Variants in CTPS1 observed in about 807,000 individuals in gnomAD.
CTPS1 encodes CTP synthase 1, also known as CTP synthetase 1.
In CTPS1, 25 loss-of-function variants were observed where a neutral mutation model predicts 80.5. The observed-to-expected ratio is 0.31, with a 90% CI of 0.23 to 0.43. The LOEUF is 0.43. CTPS1 is among the 20% of genes least tolerant of loss of function. The probability of loss-of-function intolerance (pLI) is 1.00; values close to 1 mark genes in which losing one functional copy is unlikely to be tolerated. For synonymous variants in CTPS1, 267 were observed against 252.5 expected (o/e 1.06, Z -0.54); for missense variants, 442 against 725.7 (o/e 0.61, Z 4.49).
chr1:41,005,411 C>T (rs1468144215), intron 12 of CTPS1, among the ~76,000 whole-genome samples: 2 of 151,834 alleles, frequency 1.3e-5, no homozygotes, highest in African/African-American at 4.8e-5. Context: ...CATTGCACTC[C>T]AGCCTGCCCA....
chr1:40,987,806 G>A (rs186164315), intron 4 of CTPS1, among the ~76,000 whole-genome samples: 129 of 152,324 alleles, frequency 8.5e-4, no homozygotes, highest in Non-Finnish European at 1.5e-4. Flanking sequence ...CTCCGAATGA[G>A]CTTCATTTGG....
chr1:41,011,464 C>T lies in CTPS1; in HGVS notation c.*10-194C>T, dbSNP rs185613993. 1.5e-3 allele frequency among the ~76,000 whole-genome samples: 227 copies of T among 152,200 alleles called. 3 individuals are homozygous for T. The highest frequency in any genetic ancestry group is 5.3e-3 in the African/African-American group (222 of 41,524). ...GCTTGCATTGGGTGGTTGTAGAAGT[C>T]GATGTGTGAGGTCTTGAAAAGGTCT... On this transcript the variant is annotated intron_variant, in intron 18 of 18. Coordinates refer to ENST00000650070, the MANE Select transcript of CTPS1 (RefSeq NM_001905.4).
chr1:40,996,165 A>T, intron 8 of CTPS1, 97 bp downstream of exon 8: 1 of 1,344,224 alleles, frequency 7.4e-7, no homozygotes, highest in Non-Finnish European at 1.0e-6. Context: ...GTACTTTTGC[A>T]CTTCTGCCAT....
At chr1:40,995,749 A>G (rs1642736694) in intron 7 of CTPS1, among the ~76,000 whole-genome samples, 168 bp from the exon 8 acceptor site, 1 of 152,196 alleles carries the variant, frequency 6.6e-6, no homozygotes, top group Non-Finnish European at 1.5e-5. Flanking sequence ...TAGATTGGCC[A>G]CTAATTTTCT....
At position 41,002,268 on chromosome 1, in the gene CTPS1, C is replaced by T. The variant is rs748477567; in HGVS notation, c.1189+14C>T. 8.1e-6 allele frequency: 13 copies of T among 1,606,402 alleles called. No individual in the cohort carries two copies. In the Admixed American group the frequency reaches 1.3e-4, roughly 16 times the overall value. ...AGCCTTTTTTGGGTAAGGAGCTCTGCAGTGCAGTCTTCACTTAAGAGTAGG... is the reference window on the plus strand; with the variant it reads ...AGCCTTTTTTGGGTAAGGAGCTCTGTAGTGCAGTCTTCACTTAAGAGTAGG... On this transcript the variant is annotated intron_variant, in intron 11 of 18. Coordinates refer to ENST00000650070, the MANE Select transcript of CTPS1 (RefSeq NM_001905.4).
chr1:41,008,914 T>C, intron 16 of CTPS1, 24 bp downstream of exon 16: 1 of 1,579,448 alleles, frequency 6.3e-7, no homozygotes, highest in South Asian at 1.1e-5. Context: ...CAGTTTTATT[T>C]AATGGAAAAC....
At position 41,008,235 on chromosome 1, in the gene CTPS1, C is replaced by T. The variant is rs192823322; in HGVS notation, c.1394-424C>T. Among the ~76,000 whole-genome samples the T allele has an allele frequency of 2.0e-5, 3 of 152,318 alleles. No individual in the cohort carries two copies. In the East Asian group the frequency reaches 5.8e-4, roughly 29 times the overall value. ...CTTGTTCACATGCAGCCACTGAGGG[C>T]TGATGACCTTTGATGACCATGATTG... On this transcript the variant is annotated intron_variant, in intron 14 of 18. Transcript: ENST00000650070.
At chr1:41,009,037 A>C (rs546681545) in intron 16 of CTPS1, 147 bp downstream of exon 16, 1 of 698,490 alleles carries the variant, frequency 1.4e-6, no homozygotes, top group African/African-American at 1.8e-5. Flanking sequence ...CTTGATAAAC[A>C]TGGGGTCTGG....
At chr1:40,983,197 TG>T in intron 1 of CTPS1, 80 bp from the exon 2 acceptor site, 1 of 1,191,640 alleles carries the variant, frequency 8.4e-7, no homozygotes, top group Non-Finnish European at 1.2e-6. Flanking sequence ...AGCTAATAAT[TG>T]GCAGAGCCAG....
intron 7 of CTPS1, among the ~76,000 whole-genome samples, chr1:40,992,786 C>A (rs1242031389): frequency 6.6e-6 from 1 of 150,844 alleles, no homozygotes; most frequent in Non-Finnish European, 1.5e-5. Context: ...CTCCACCTCC[C>A]AGGTTCAAGC....
chr1:40,987,235 C>T, intron 3 of CTPS1, 137 bp from the exon 4 acceptor site: 1 of 652,576 alleles, frequency 1.5e-6, no homozygotes, highest in South Asian at 1.8e-5. Flanking sequence ...TAAAGGGGGC[C>T]TCAAAAGTAT....
chr1:40,980,115 G>A (rs1480939932), intron 1 of CTPS1: 8 of 151,274 alleles, frequency 5.3e-5, no homozygotes, highest in African/African-American at 1.2e-4. Context: ...GAGGCTGCGG[G>A]GCCTGCGCTG....
chr1:40,984,669 G>A (rs1642406896), intron 2 of CTPS1, 152 bp from the exon 3 acceptor site: 1 of 543,918 alleles, frequency 1.8e-6, no homozygotes, highest in East Asian at 3.1e-5. Context: ...TTTTCTTTTT[G>A]TGTGTCATAT....
intron 13 of CTPS1, among the ~76,000 whole-genome samples, chr1:41,006,800 C>T (rs1407594154): frequency 1.3e-5 from 2 of 152,344 alleles, no homozygotes; most frequent in African/African-American, 2.4e-5. Flanking sequence ...CTAAATGAGA[C>T]GGACAAAGTT....
chr1:40,985,224 G>A (rs1375899743), intron 3 of CTPS1, among the ~76,000 whole-genome samples: 1 of 152,244 alleles, frequency 6.6e-6, no homozygotes, highest in African/African-American at 2.4e-5. Context: ...CTTCGTTGAA[G>A]CTTGTCAATT....
At chr1:41,006,571 G>A (rs1239791127) in intron 13 of CTPS1, among the ~76,000 whole-genome samples, 3 of 152,186 alleles carry the variant, frequency 2.0e-5, no homozygotes, top group South Asian at 2.1e-4. Flanking sequence ...CCAGGCTGGC[G>A]TACCTTGCGT....
chr1:40,988,406 A>G, intron 4 of CTPS1, 188 bp from the exon 5 acceptor site: 1 of 548,198 alleles, frequency 1.8e-6, no homozygotes, highest in South Asian at 2.7e-5. Flanking sequence ...AGCCTGTCCA[A>G]AAGAATAACC....
At chr1:41,010,124 G>A (rs1197711210) in intron 17 of CTPS1, 37 bp from the exon 18 acceptor site, 2 of 1,488,840 alleles carry the variant, frequency 1.3e-6, no homozygotes, top group Admixed American at 3.5e-5. Flanking sequence ...GTGAGTTTTT[G>A]GTGGGAGATG....
chr1:41,010,294 T>C (rs1322615508), intron 18 of CTPS1, 40 bp downstream of exon 18: 2 of 1,387,870 alleles, frequency 1.4e-6, no homozygotes, highest in Non-Finnish European at 1.0e-6. Flanking sequence ...AAAAACATGG[T>C]GATAACACAC....
Sources: gnomAD v4.1 joint callset for allele counts (sites outside exome capture counted in the v4.1 genomes callset) on GRCh38, gnomAD v4.1.1 for gene constraint, MANE v1.5 for transcripts, NCBI Gene and HGNC (gene_info 2026-07-23, HGNC 2026-07-21) for gene names.